Variants in DCTN4 observed in about 807,000 individuals in gnomAD.
The protein encoded by DCTN4 is dynactin 4 (p62).
A neutral mutation model predicts 62.7 loss-of-function variants in DCTN4; 23 were observed. The observed-to-expected ratio is 0.37, with a 90% confidence interval of 0.26 to 0.52. The LOEUF (loss-of-function observed/expected upper bound fraction) is 0.52. Among genes scored for constraint, DCTN4 ranks in the 20% least tolerant of loss-of-function variants. The pLI, the probability that DCTN4 is intolerant of heterozygous loss-of-function variation, is 0.92. For missense variants in DCTN4, 514 were observed against 580.4 expected (o/e 0.89, Z 1.18); for synonymous variants, 199 against 202.1 (o/e 0.98, Z 0.13).
At chr5:150,728,183 T>C (rs1561695610) in intron 8 of DCTN4, among the ~76,000 whole-genome samples, 2 of 152,210 alleles carry the variant, frequency 1.3e-5, no homozygotes, top group East Asian at 1.9e-4. Context: ...TCTTGTGTTA[T>C]TGAGCATCTT....
At chr5:150,735,345 A>G (rs1425919058) in intron 4 of DCTN4, among the ~76,000 whole-genome samples, 1 of 152,256 alleles carries the variant, frequency 6.6e-6, no homozygotes, top group Non-Finnish European at 1.5e-5. Flanking sequence ...ATTCACTGCT[A>G]GCACAACCAG....
chr5:150,717,232 AT>A (rs1759794204), intron 11 of DCTN4, among the ~76,000 whole-genome samples: 1 of 152,100 alleles, frequency 6.6e-6, no homozygotes, highest in African/African-American at 2.4e-5. Context: ...CTGAGTCAAA[AT>A]CACCTACTTT....
intron 8 of DCTN4, among the ~76,000 whole-genome samples, chr5:150,723,363 A>T (rs1297544836): frequency 6.6e-6 from 1 of 152,256 alleles, no homozygotes; most frequent in Non-Finnish European, 1.5e-5. Context: ...TCAAAATGGT[A>T]TACAGGAAGG....
intron 8 of DCTN4, among the ~76,000 whole-genome samples, chr5:150,724,484 C>G (rs1199464505): frequency 6.6e-6 from 1 of 152,120 alleles, no homozygotes; most frequent in Non-Finnish European, 1.5e-5. Context: ...CTTTACATTA[C>G]AGTTTGTGCT....
At chr5:150,748,301 G>A (rs1752534859) in intron 3 of DCTN4, among the ~76,000 whole-genome samples, 1 of 150,826 alleles carries the variant, frequency 6.6e-6, no homozygotes, top group Non-Finnish European at 1.5e-5. Flanking sequence ...GTGCTGGAGA[G>A]GATGTGGAGA....
intron 9 of DCTN4, among the ~76,000 whole-genome samples, chr5:150,720,612 G>T (rs893405025): frequency 2.0e-5 from 3 of 151,842 alleles, no homozygotes; most frequent in African/African-American, 7.3e-5. Context: ...CCAAGTAGCT[G>T]GGAGTACAGG....
At chr5:150,734,806 G>A (rs1297919401) in intron 4 of DCTN4, among the ~76,000 whole-genome samples, 1 of 152,220 alleles carries the variant, frequency 6.6e-6, no homozygotes, top group African/African-American at 2.4e-5. Context: ...GTGGGGCATG[G>A]TGGGAGTGAG....
intron 4 of DCTN4, among the ~76,000 whole-genome samples, chr5:150,734,917 T>G (rs1760519665): frequency 6.6e-6 from 1 of 151,900 alleles, no homozygotes; most frequent in Non-Finnish European, 1.5e-5. Flanking sequence ...GCAGCCATAA[T>G]CCCCCTGGGA....
chr5:150,748,734 C>T (rs1177153002), intron 3 of DCTN4, among the ~76,000 whole-genome samples: 1 of 134,942 alleles, frequency 7.4e-6, no homozygotes, highest in East Asian at 2.2e-4. Flanking sequence ...GGGAATTGAA[C>T]AATGAGAACA....
chr5:150,736,883 TA>T (rs1461462351), intron 4 of DCTN4, among the ~76,000 whole-genome samples: 1 of 152,128 alleles, frequency 6.6e-6, no homozygotes, highest in Non-Finnish European at 1.5e-5. Flanking sequence ...ACCTAACACC[TA>T]AGGACTCACA....
At chr5:150,729,042 CTTTTTTTTTT>C (rs61106544) in intron 8 of DCTN4, among the ~76,000 whole-genome samples, 36 of 52,152 alleles carry the variant, frequency 6.9e-4, no homozygotes, top group African/African-American at 2.3e-3. Context: ...ACCACACTGG[CTTTTTTTTTT>C]TTTTTTTTTT....
chr5:150,743,589 C>G (rs1412363855), intron 3 of DCTN4, among the ~76,000 whole-genome samples: 1 of 152,168 alleles, frequency 6.6e-6, no homozygotes, highest in East Asian at 1.9e-4. Context: ...GCCGGGTACT[C>G]CTCTGAGACA....
chr5:150,740,968 G>A (rs1760746855), intron 4 of DCTN4, among the ~76,000 whole-genome samples: 1 of 152,026 alleles, frequency 6.6e-6, no homozygotes, highest in South Asian at 2.1e-4. Context: ...CAGGTGATAG[G>A]TACACCAAAA....
chr5:150,743,659 G>T (rs1760853002), intron 3 of DCTN4, among the ~76,000 whole-genome samples: 1 of 152,178 alleles, frequency 6.6e-6, no homozygotes, highest in Non-Finnish European at 1.5e-5. Context: ...CTGTGGTTCT[G>T]CAGACACCAC....
chr5:150,730,791 A>T (rs1238276618), intron 7 of DCTN4, 51 bp from the exon 8 acceptor site: 1 of 1,489,850 alleles, frequency 6.7e-7, no homozygotes, highest in Admixed American at 1.7e-5. Flanking sequence ...TTTCAAAATC[A>T]GACTTTTATG....
At position 150,718,387 on chromosome 5, in the gene DCTN4, G is replaced by T. The variant is rs774563203; in HGVS notation, c.964-4C>A. ...GAGTCAGGAGGACCTGGCTCTCCTGGTGAATAGGAAACACATCTCTCAGAC... is the reference window on the plus strand; with the variant it reads ...GAGTCAGGAGGACCTGGCTCTCCTGTTGAATAGGAAACACATCTCTCAGAC... On this transcript the variant is annotated splice_polypyrimidine_tract_variant and splice_region_variant and intron_variant, in intron 10 of 12. Coordinates refer to ENST00000447998, the MANE Select transcript of DCTN4 (RefSeq NM_016221.4). 1.1e-5 allele frequency: 17 copies of T among 1,602,380 alleles called. No individual in the cohort carries two copies. The highest frequency in any genetic ancestry group is 8.5e-7 in the Non-Finnish European group (1 of 1,169,838).
chr5:150,732,469 A>G (rs1315898763), intron 5 of DCTN4, among the ~76,000 whole-genome samples: 3 of 152,190 alleles, frequency 2.0e-5, no homozygotes, highest in Admixed American at 1.3e-4. Context: ...GTATTTTTAT[A>G]TGGACTTTAC....
intron 12 of DCTN4, among the ~76,000 whole-genome samples, chr5:150,712,519 C>G (rs937350926): frequency 6.6e-6 from 1 of 152,204 alleles, no homozygotes; most frequent in Non-Finnish European, 1.5e-5. Flanking sequence ...CCTTGACCTC[C>G]TAAGCTCAAA....
chr5:150,756,760 T>G (rs61037912), intron 1 of DCTN4, among the ~76,000 whole-genome samples: 20,586 of 151,986 alleles, frequency 0.14, 2,390 homozygotes, highest in African/African-American at 0.31. Flanking sequence ...CAATTTCCAG[T>G]TGAACTCCAT....
Sources: gnomAD v4.1 joint callset for allele counts (sites outside exome capture counted in the v4.1 genomes callset) on GRCh38, gnomAD v4.1.1 for gene constraint, MANE v1.5 for transcripts, NCBI Gene and HGNC (gene_info 2026-07-23, HGNC 2026-07-21) for gene names.